Variants in LIPJ observed in about 807,000 individuals in gnomAD.
LIPJ encodes lipase family member J.
In LIPJ, 33 loss-of-function variants were observed where a neutral mutation model predicts 39.8. The ratio of observed to expected loss-of-function variants is 0.83; its 90% confidence interval spans 0.63 to 1.11. The LOEUF (loss-of-function observed/expected upper bound fraction) is 1.11. Among genes scored for constraint, LIPJ ranks in the 50% least tolerant of loss-of-function variants. LIPJ has a pLI of 0.00. For missense variants in LIPJ, 422 were observed against 427.9 expected (o/e 0.99, Z 0.12); for synonymous variants, 128 against 139.2 (o/e 0.92, Z 0.57).
chr10:88,602,053 G>C (rs1851502388), intron 8 of LIPJ, among the ~76,000 whole-genome samples: 1 of 152,112 alleles, frequency 6.6e-6, no homozygotes, highest in African/African-American at 2.4e-5. Context: ...CCCTTATGGA[G>C]AGTGTTTCTT....
chr10:88,583,334 C>G, upstream of LIPJ: 1 of 1,406,802 alleles, frequency 7.1e-7, no homozygotes, highest in South Asian at 1.5e-5. Context: ...TTCCTCCGGC[C>G]GGCCTGCAGG....
intron 9 of LIPJ, 89 bp from the exon 10 acceptor site, chr10:88,605,544 T>G: frequency 1.2e-6 from 1 of 825,230 alleles, no homozygotes; most frequent in Non-Finnish European, 2.1e-6. Context: ...CCCAGTACAA[T>G]GGGGGTATAT....
At chr10:88,596,143 T>C (rs764839288) in intron 6 of LIPJ, 137 bp from the exon 7 acceptor site, 4 of 563,362 alleles carry the variant, frequency 7.1e-6, no homozygotes, top group Non-Finnish European at 1.1e-5. Context: ...TTAAAAATGT[T>C]TGATAAATGA....
chr10:88,614,981 T>G, the LIPJ span, among the ~76,000 whole-genome samples: 1 of 152,200 alleles, frequency 6.6e-6, no homozygotes, highest in African/African-American at 2.4e-5. Flanking sequence ...ACATACATTA[T>G]GTATATCTTA....
At chr10:88,617,627 A>G in the LIPJ span, among the ~76,000 whole-genome samples, 4 of 152,198 alleles carry the variant, frequency 2.6e-5, no homozygotes, top group Non-Finnish European at 5.9e-5. Flanking sequence ...ATGGTTGTAC[A>G]GAGAGAAAAC....
At chr10:88,583,452 G>T, upstream of LIPJ, 1 of 1,333,068 alleles carries the variant, frequency 7.5e-7, no homozygotes, top group South Asian at 1.7e-5. Flanking sequence ...GGGGCCGGGC[G>T]CCCTGCCCCT....
At chr10:88,594,831 C>A in intron 6 of LIPJ, 55 bp downstream of exon 6, 1 of 862,612 alleles carries the variant, frequency 1.2e-6, no homozygotes, top group Non-Finnish European at 1.8e-6. Flanking sequence ...TAAGGTTGTG[C>A]ATATACTTCT....
the LIPJ span, among the ~76,000 whole-genome samples, chr10:88,612,764 AG>A: frequency 2.0e-5 from 3 of 152,194 alleles, no homozygotes; most frequent in African/African-American, 7.2e-5. Context: ...AAGAAATGAG[AG>A]AGATGGCAAC....
chr10:88,615,520 T>G, the LIPJ span, among the ~76,000 whole-genome samples: 1 of 144,368 alleles, frequency 6.9e-6, no homozygotes, highest in African/African-American at 2.6e-5. Flanking sequence ...GCCACTGCTT[T>G]GGGAGGGTGG....
At chr10:88,613,828 A>ATATG in the LIPJ span, among the ~76,000 whole-genome samples, 51,408 of 116,828 alleles carry the variant, frequency 0.44, 12,372 homozygotes, top group East Asian at 0.6. Context: ...ATATATATAT[A>ATATG]TGTGTGTATA....
At chr10:88,593,002 A>G (rs1564931980) in intron 4 of LIPJ, 2 of 151,910 alleles carry the variant, frequency 1.3e-5, no homozygotes, top group Non-Finnish European at 2.9e-5. Flanking sequence ...TAACATATTC[A>G]TATCAGGTGA....
intron 8 of LIPJ, among the ~76,000 whole-genome samples, chr10:88,598,909 T>G (rs1463485214): frequency 1.4e-5 from 2 of 147,238 alleles, no homozygotes; most frequent in East Asian, 3.9e-4. Flanking sequence ...TTTAAATTTA[T>G]ATAATTTAAT....
intron 2 of LIPJ, among the ~76,000 whole-genome samples, chr10:88,589,935 G>C (rs1282419764): frequency 6.6e-6 from 1 of 151,632 alleles, no homozygotes; most frequent in East Asian, 1.9e-4. Context: ...TATAATCCTT[G>C]AATCATGTCC....
chr10:88,617,142 A>G, the LIPJ span, among the ~76,000 whole-genome samples: 1 of 152,190 alleles, frequency 6.6e-6, no homozygotes, highest in Admixed American at 6.5e-5. Flanking sequence ...GGTGATGCCA[A>G]ACATGCTCTC....
At chr10:88,582,925 C>T (rs1205841775), upstream of LIPJ, 1 of 921,536 alleles carries the variant, frequency 1.1e-6, no homozygotes, top group Non-Finnish European at 1.5e-6. Flanking sequence ...AGGCGCGCCA[C>T]TCGGCGCATG....
the LIPJ span, among the ~76,000 whole-genome samples, chr10:88,617,297 T>G: frequency 6.6e-6 from 1 of 152,206 alleles, no homozygotes; most frequent in African/African-American, 2.4e-5. Context: ...GATTAGACAA[T>G]GATAATTTGA....
chr10:88,589,898 G>A (rs909066319), intron 2 of LIPJ, among the ~76,000 whole-genome samples: 4 of 151,762 alleles, frequency 2.6e-5, no homozygotes, highest in African/African-American at 9.7e-5. Flanking sequence ...AAGTCACCTA[G>A]CTAATGAGTG....
At chr10:88,583,495 T>A (rs149822836), upstream of LIPJ, 1,309 of 1,236,544 alleles carry the variant, frequency 1.1e-3, 13 homozygotes, top group African/African-American at 0.019. Context: ...GTGTGGGCTA[T>A]TGTTGGGAGA....
chr10:88,593,634 G>A (rs2134549760), intron 4 of LIPJ: 1 of 187,582 alleles, frequency 5.3e-6, no homozygotes, highest in Non-Finnish European at 1.1e-5. Context: ...GATTTAAAAT[G>A]TGTTACTTAA....
Sources: allele counts gnomAD v4.1 joint callset (sites outside exome capture counted in the v4.1 genomes callset), GRCh38; gene constraint gnomAD v4.1.1; transcripts MANE v1.5; gene names NCBI Gene and HGNC (gene_info 2026-07-23, HGNC 2026-07-21).